ADGRB3: variants seen among roughly 807,000 people sequenced by gnomAD.
ADGRB3 encodes adhesion G protein-coupled receptor B3.
In ADGRB3, 37 loss-of-function variants were observed where a neutral mutation model predicts 193.4. That is an observed-to-expected ratio of 0.19 (90% CI 0.15 to 0.25). The LOEUF is 0.25. Ranked by LOEUF, ADGRB3 falls within the 10% of genes least tolerant of loss-of-function variation. The pLI, the probability that ADGRB3 is intolerant of heterozygous loss-of-function variation, is 1.00. For synonymous variants in ADGRB3, 690 were observed against 644.2 expected (o/e 1.07, Z -1.08); for missense variants, 1,637 against 1,852.9 (o/e 0.88, Z 2.14).
intron 20 of ADGRB3, among the ~76,000 whole-genome samples, chr6:69,280,901 C>A (rs561736718): frequency 1.1e-4 from 17 of 152,058 alleles, no homozygotes; most frequent in African/African-American, 4.1e-4. Flanking sequence ...AAAGAAAATA[C>A]CTAATTCGCT....
At chr6:69,094,224 T>A (rs1322112019) in intron 17 of ADGRB3, among the ~76,000 whole-genome samples, 1 of 152,082 alleles carries the variant, frequency 6.6e-6, no homozygotes, top group South Asian at 2.1e-4. Context: ...GATCAGAGGG[T>A]CTGTACAACA....
intron 13 of ADGRB3, among the ~76,000 whole-genome samples, chr6:69,046,482 T>C (rs1771241950): frequency 6.6e-6 from 1 of 152,194 alleles, no homozygotes; most frequent in South Asian, 2.1e-4. Context: ...AAAAAGTATA[T>C]TGTTTTAAAA....
chr6:69,121,135 T>C (rs1029315560), intron 17 of ADGRB3, among the ~76,000 whole-genome samples: 1 of 152,064 alleles, frequency 6.6e-6, no homozygotes, highest in South Asian at 2.1e-4. Flanking sequence ...CTGGTTTTCC[T>C]AGGCAGAGGT....
At chr6:68,901,879 T>C (rs1304889681) in intron 3 of ADGRB3, among the ~76,000 whole-genome samples, 2 of 152,210 alleles carry the variant, frequency 1.3e-5, no homozygotes, top group Non-Finnish European at 2.9e-5. Context: ...ATTTGTTTTT[T>C]TCAAAAATGT....
intron 20 of ADGRB3, among the ~76,000 whole-genome samples, chr6:69,313,687 A>G (rs972482790): frequency 1.3e-4 from 20 of 151,802 alleles, no homozygotes; most frequent in Non-Finnish European, 2.9e-4. Context: ...TCTACAGATA[A>G]AGAACATAGT....
intron 21 of ADGRB3, among the ~76,000 whole-genome samples, chr6:69,327,438 G>A (rs1030442215): frequency 7.2e-5 from 11 of 152,098 alleles, no homozygotes; most frequent in African/African-American, 2.4e-4. Context: ...CCACTTCTCC[G>A]ATATTACATC....
chr6:69,216,612 G>A (rs1277592729), intron 17 of ADGRB3, among the ~76,000 whole-genome samples: 1 of 152,180 alleles, frequency 6.6e-6, no homozygotes, highest in South Asian at 2.1e-4. Context: ...TATCTCCAGA[G>A]CAAAGCCATT....
At chr6:68,815,584 T>C (rs1041037913) in intron 3 of ADGRB3, among the ~76,000 whole-genome samples, 1 of 149,326 alleles carries the variant, frequency 6.7e-6, no homozygotes, top group African/African-American at 2.5e-5. Context: ...CCAGAGTAAT[T>C]TGATTTGACC....
At chr6:69,091,633 C>G (rs1772712301) in intron 17 of ADGRB3, among the ~76,000 whole-genome samples, 1 of 151,952 alleles carries the variant, frequency 6.6e-6, no homozygotes. Context: ...ATACCGGGGT[C>G]TTTTGGAGGC....
intron 16 of ADGRB3, among the ~76,000 whole-genome samples, chr6:69,068,710 T>A (rs1490592124): frequency 1.3e-5 from 2 of 152,196 alleles, no homozygotes; most frequent in Non-Finnish European, 2.9e-5. Flanking sequence ...AGAAGCAAGC[T>A]GTCATCACAT....
At chr6:69,015,661 C>T (rs922927586) in intron 12 of ADGRB3, among the ~76,000 whole-genome samples, 3 of 151,808 alleles carry the variant, frequency 2.0e-5, no homozygotes, top group African/African-American at 7.3e-5. Flanking sequence ...GTAGAACAGA[C>T]CTCTGTGTAC....
chr6:69,079,011 A>G (rs1211655981), intron 17 of ADGRB3, among the ~76,000 whole-genome samples: 1 of 152,070 alleles, frequency 6.6e-6, no homozygotes, highest in Non-Finnish European at 1.5e-5. Flanking sequence ...TTATCAGTTG[A>G]TAAATATTTC....
intron 3 of ADGRB3, among the ~76,000 whole-genome samples, chr6:68,876,219 G>C (rs1765590202): frequency 6.6e-6 from 1 of 152,042 alleles, no homozygotes; most frequent in Admixed American, 6.6e-5. Context: ...GTAAAAAGAT[G>C]TCAGACAGAA....
chr6:69,151,049 T>A (rs1467606584), intron 17 of ADGRB3, among the ~76,000 whole-genome samples: 1 of 152,172 alleles, frequency 6.6e-6, no homozygotes, highest in African/African-American at 2.4e-5. Flanking sequence ...CTTTTGGAGC[T>A]GCAAGCTACA....
chr6:68,780,652 T>C (rs1766835220), intron 3 of ADGRB3, among the ~76,000 whole-genome samples: 1 of 152,154 alleles, frequency 6.6e-6, no homozygotes, highest in Admixed American at 6.6e-5. Flanking sequence ...CTTCAACTTC[T>C]TAATAGATTA....
chr6:69,015,963 G>A lies in ADGRB3; in HGVS notation c.1998+1857G>A, dbSNP rs118036817. Among the ~76,000 whole-genome samples, 1,354 of 151,888 alleles carry A rather than the reference G, an allele frequency of 8.9e-3. 18 individuals are homozygous for A. The highest frequency in any genetic ancestry group is 0.061 in the East Asian group (313 of 5,160). On this transcript the variant is annotated intron_variant, in intron 12 of 31. Transcript: ENST00000370598. Reference sequence around the variant, plus strand: ...AGTCATGTATTATGTTTGATATTTCGTCATTACATTGAAAATTCATATGTC... The same window carrying A: ...AGTCATGTATTATGTTTGATATTTCATCATTACATTGAAAATTCATATGTC...
intron 14 of ADGRB3, 118 bp from the exon 15 acceptor site, chr6:69,049,153 C>A: frequency 1.5e-6 from 1 of 689,420 alleles, no homozygotes; most frequent in Non-Finnish European, 2.4e-6. Flanking sequence ...TTCTTTTTAC[C>A]AGGCTTTATC....
chr6:69,301,535 A>G (rs927227001), intron 20 of ADGRB3, among the ~76,000 whole-genome samples: 6 of 151,942 alleles, frequency 3.9e-5, no homozygotes, highest in Non-Finnish European at 7.4e-5. Context: ...CATATTTTTC[A>G]TCATGTTTAG....
intron 3 of ADGRB3, among the ~76,000 whole-genome samples, chr6:68,809,721 T>C (rs1767474691): frequency 6.6e-6 from 1 of 152,176 alleles, no homozygotes; most frequent in Non-Finnish European, 1.5e-5. Context: ...GAAAAAGTGA[T>C]TAATTATTAA....
Sources: gnomAD v4.1 joint callset for allele counts (sites outside exome capture counted in the v4.1 genomes callset) on GRCh38, gnomAD v4.1.1 for gene constraint, MANE v1.5 for transcripts, NCBI Gene and HGNC (gene_info 2026-07-23, HGNC 2026-07-21) for gene names.